Variants in PIK3CD observed in about 807,000 individuals in gnomAD.
PIK3CD encodes the protein phosphatidylinositol 4,5-bisphosphate 3-kinase catalytic subunit delta isoform.
Under a neutral mutation model 122.9 loss-of-function variants are expected in PIK3CD, and 20 were observed. That is an observed-to-expected ratio of 0.16 (90% CI 0.11 to 0.24). The LOEUF (loss-of-function observed/expected upper bound fraction) is 0.24, where lower values mean the gene tolerates loss of function less well. PIK3CD is among the 10% of genes least tolerant of loss of function. The pLI is 1.00. For synonymous variants in PIK3CD, 596 were observed against 593.4 expected (o/e 1.00, Z -0.06); for missense variants, 787 against 1,406.3 (o/e 0.56, Z 7.04).
At chr1:9,684,549 AAAAG>A (rs1179228237) in intron 1 of PIK3CD, among the ~76,000 whole-genome samples, 14 of 149,704 alleles carry the variant, frequency 9.4e-5, no homozygotes, top group Non-Finnish European at 1.9e-4. Flanking sequence ...AAAAAAAAAA[AAAAG>A]AAAAAAGAAA....
chr1:9,721,646 G>A, intron 15 of PIK3CD, 59 bp downstream of exon 15: 2 of 1,609,946 alleles, frequency 1.2e-6, no homozygotes, highest in East Asian at 4.5e-5. Flanking sequence ...CTCCCTGGAA[G>A]GCCACTGGGG....
the PIK3CD span, among the ~76,000 whole-genome samples, chr1:9,631,137 G>A: frequency 2.0e-5 from 3 of 152,136 alleles, no homozygotes; most frequent in Non-Finnish European, 4.4e-5. Context: ...CCACTCACCT[G>A]TCTGCCCCCA....
chr1:9,685,464 A>T (rs1475525230), intron 1 of PIK3CD, among the ~76,000 whole-genome samples: 1 of 151,864 alleles, frequency 6.6e-6, no homozygotes, highest in Non-Finnish European at 1.5e-5. Context: ...GTTCAAGCGA[A>T]TCTCGTGCCT....
upstream of PIK3CD, among the ~76,000 whole-genome samples, chr1:9,648,650 A>C (rs1644629241): frequency 1.3e-5 from 2 of 151,562 alleles, no homozygotes; most frequent in African/African-American, 4.9e-5. Context: ...TGGGGTAAGC[A>C]AGAGGCTGTG....
In PIK3CD at chr1:9,715,896, C is replaced by T. The variant is rs1405541611; in HGVS notation, c.418C>T (p.Arg140Cys). The T allele has an allele frequency of 6.2e-7, 1 of 1,603,730 alleles. No individual in the cohort carries two copies. The highest frequency in any genetic ancestry group is 8.5e-7 in the Non-Finnish European group (1 of 1,174,770). The change falls in exon 5 of 24, where the codon CGC becomes TGC. Residue 140 changes from arginine to cysteine, a missense_variant. Coordinates refer to ENST00000377346, the MANE Select transcript of PIK3CD (RefSeq NM_005026.5). This position sits in a 1 kb window ranked among gnomAD's most constrained non-coding sequence, Gnocchi z 4.1. ...GTGCGACCCAGAAGTGAACGACTTT[C>T]GCGCCAAGATGTGCCAATTCTGCGA... is the stretch of plus-strand genomic sequence containing the variant. ...SLCDPEVNDFRAKMCQFCEEA... is the reference protein window; with the variant it reads ...SLCDPEVNDFCAKMCQFCEEA...
Position 9,718,974 on chromosome 1 carries a change from G to A in PIK3CD, c.1242+59G>A. 1 of 1,494,004 alleles carries A rather than the reference G, an allele frequency of 6.7e-7. No individual in the cohort carries two copies. Among genetic ancestry groups the A allele is most frequent in the South Asian group, 1.1e-5 (1 of 87,748 alleles). 92.5% of individuals were successfully genotyped at this position (1,494,004 alleles called of 1,614,324 possible). A position where few individuals can be genotyped will look rare whatever the true frequency, so the allele number is the denominator to read the frequency against. On this transcript the variant is annotated intron_variant, in intron 9 of 23. Transcript: ENST00000377346. This position sits in a 1 kb window ranked among gnomAD's most constrained non-coding sequence, Gnocchi z 7.2. ...CCCCGGAGAGCCAGTACAGCCCCTT[G>A]CTGGGCCACTCACCACTCTCCTCCC... is the stretch of plus-strand genomic sequence containing the variant.
chr1:9,670,707 T>A (rs1317129793), intron 1 of PIK3CD, among the ~76,000 whole-genome samples: 2 of 152,158 alleles, frequency 1.3e-5, no homozygotes, highest in African/African-American at 4.8e-5. Context: ...ATTGGATGAA[T>A]GAATCTTTGA....
At chr1:9,632,423 C>A in the PIK3CD span, among the ~76,000 whole-genome samples, 4 of 152,258 alleles carry the variant, frequency 2.6e-5, no homozygotes, top group African/African-American at 9.6e-5. Flanking sequence ...CTCCTGGGCT[C>A]AAGCGATCCT....
chr1:9,721,671 C>A (rs1189140809), intron 15 of PIK3CD, 84 bp downstream of exon 15: 16 of 1,605,600 alleles, frequency 1.0e-5, no homozygotes, highest in Admixed American at 8.3e-5. Flanking sequence ...TTCCAGCAGG[C>A]CTGGGTGTCC....
intron 1 of PIK3CD, 75 bp from the exon 2 acceptor site, chr1:9,691,392 G>A (rs1016171925): frequency 7.6e-6 from 3 of 396,292 alleles, no homozygotes; most frequent in Admixed American, 8.8e-5. Context: ...CGTCCTGTAA[G>A]AGAATGCACA....
At chr1:9,637,551 T>C in the PIK3CD span, among the ~76,000 whole-genome samples, 1 of 151,366 alleles carries the variant, frequency 6.6e-6, no homozygotes, top group Non-Finnish European at 1.5e-5. Flanking sequence ...CAGTTTATTC[T>C]CTTCCAGTTC....
the PIK3CD span, among the ~76,000 whole-genome samples, chr1:9,634,820 T>C: frequency 2.0e-5 from 3 of 152,196 alleles, no homozygotes; most frequent in African/African-American, 7.2e-5. Context: ...TTATTTGGGA[T>C]TTTTTTGTTT....
intron 1 of PIK3CD, among the ~76,000 whole-genome samples, chr1:9,667,379 AT>A (rs201176777): frequency 0.01 from 1,506 of 143,960 alleles, 32 homozygotes; most frequent in Admixed American, 0.053. Context: ...TATTGAAAGA[AT>A]TTTTTTTTTT....
At position 9,720,275 on chromosome 1, in the gene PIK3CD, G is replaced by A. The variant is rs1306885724; in HGVS notation, c.1470+33G>A. 8 of 1,590,952 alleles carry A rather than the reference G, an allele frequency of 5.0e-6. No homozygotes were observed. Among genetic ancestry groups the A allele is most frequent in the Admixed American group, 3.4e-5 (2 of 59,266 alleles). ...GGGGCCCCGCCGCGTGAGGCTGAGG[G>A]GCTGGCGCGGAGCTCTCCTGGCCCT... is the stretch of plus-strand genomic sequence containing the variant. On this transcript the variant is annotated intron_variant, in intron 11 of 23. Transcript: ENST00000377346. This position sits in a 1 kb window ranked among gnomAD's most constrained non-coding sequence, Gnocchi z 9.0.
At chr1:9,676,161 A>AC (rs1645529654) in intron 1 of PIK3CD, among the ~76,000 whole-genome samples, 1 of 151,866 alleles carries the variant, frequency 6.6e-6, no homozygotes, top group Admixed American at 6.6e-5. Context: ...TGAACTCCTG[A>AC]CCTCGTGATC....
In PIK3CD at chr1:9,720,565, G is replaced by T; in HGVS notation, c.1471-46G>T. 1 of 1,549,432 alleles carries T rather than the reference G, an allele frequency of 6.5e-7. No individual in the cohort carries two copies. Among genetic ancestry groups the T allele is most frequent in the Non-Finnish European group, 8.7e-7 (1 of 1,146,454 alleles). ...TGCCCGGCCTGGGGGTCCTGCCCGG[G>T]CTGGTCCAGGCCCCTGGGGACGCTG... On this transcript the variant is annotated intron_variant, in intron 11 of 23. Coordinates refer to ENST00000377346, the MANE Select transcript of PIK3CD (RefSeq NM_005026.5). The surrounding 1 kb of genome is among the most constrained non-coding windows in gnomAD (Gnocchi z 9.0).
chr1:9,710,600 T>C lies in PIK3CD; in HGVS notation c.141+4T>C. 6.2e-7 allele frequency: 1 copy of C among 1,613,704 alleles called. No homozygotes were observed. Among genetic ancestry groups the C allele is most frequent in the Non-Finnish European group, 8.5e-7 (1 of 1,179,958 alleles). On this transcript the variant is annotated splice_donor_region_variant and intron_variant, in intron 3 of 23. Coordinates refer to ENST00000377346, the MANE Select transcript of PIK3CD (RefSeq NM_005026.5). This position sits in a 1 kb window ranked among gnomAD's most constrained non-coding sequence, Gnocchi z 4.7. ...CAACCTCAGCACCATCAAGCAGGTA[T>C]GGCCTCCATCCGGTCCTCAGACCTT...
At chr1:9,706,218 T>C (rs909377572) in intron 2 of PIK3CD, among the ~76,000 whole-genome samples, 1 of 151,636 alleles carries the variant, frequency 6.6e-6, no homozygotes, top group Non-Finnish European at 1.5e-5. Flanking sequence ...TGGGTCTGGC[T>C]AGGAGCTCAC....
chr1:9,719,758 A>G lies in PIK3CD; in HGVS notation c.1243-163A>G, dbSNP rs1648189011. Among the ~76,000 whole-genome samples the G allele has an allele frequency of 6.6e-6, 1 of 151,840 alleles. No individual in the cohort carries two copies. The highest frequency in any genetic ancestry group is 1.5e-5 in the Non-Finnish European group (1 of 67,988). On this transcript the variant is annotated intron_variant, in intron 9 of 23. Coordinates refer to ENST00000377346, the MANE Select transcript of PIK3CD (RefSeq NM_005026.5). The surrounding 1 kb of genome is among the most constrained non-coding windows in gnomAD (Gnocchi z 5.5). ...ACTGGAGCCCTCAGAGGAAAGAGGA[A>G]AAAGCGGCTCCTCTCCTTCCCCAAG... is the stretch of plus-strand genomic sequence containing the variant.
Sources: gnomAD v4.1 joint callset for allele counts (sites outside exome capture counted in the v4.1 genomes callset) on GRCh38, gnomAD v4.1.1 for gene constraint, Gnocchi (gnomAD v3.1) non-coding constraint, MANE v1.5 for transcripts, NCBI Gene and HGNC (gene_info 2026-07-23, HGNC 2026-07-21) for gene names.